LAMA4: variants seen among roughly 807,000 people sequenced by gnomAD.
LAMA4 encodes laminin subunit alpha-4.
Under a neutral mutation model 207.1 loss-of-function variants are expected in LAMA4, and 127 were observed. The ratio of observed to expected loss-of-function variants is 0.61; its 90% confidence interval spans 0.53 to 0.71. LAMA4 has a LOEUF of 0.71. Among genes scored for constraint, LAMA4 ranks in the 30% least tolerant of loss-of-function variants. The pLI is 0.00. For missense variants in LAMA4, 2,093 were observed against 2,246.5 expected (o/e 0.93, Z 1.38); for synonymous variants, 761 against 816.0 (o/e 0.93, Z 1.15).
chr6:112,127,094 T>A (rs1778739415), intron 31 of LAMA4, among the ~76,000 whole-genome samples: 1 of 152,156 alleles, frequency 6.6e-6, no homozygotes, highest in African/African-American at 2.4e-5. Context: ...TACAACCCTA[T>A]GATGCAGATA....
chr6:112,223,816 A>G (rs1785051432), intron 2 of LAMA4, among the ~76,000 whole-genome samples: 1 of 152,236 alleles, frequency 6.6e-6, no homozygotes. Flanking sequence ...AAGAAATGCT[A>G]TTGTGAATTA....
chr6:112,171,293 C>T (rs180899724), intron 12 of LAMA4, among the ~76,000 whole-genome samples: 6 of 151,684 alleles, frequency 4.0e-5, no homozygotes, highest in East Asian at 1.9e-4. Context: ...CAAGTTGCAG[C>T]GTCAAAAGCA....
rs782710021 is a variant in LAMA4 at position 112,158,864 on chromosome 6, T to A, written c.1685A>T (p.Tyr562Phe). 1.9e-6 allele frequency: 3 copies of A among 1,611,138 alleles called. No individual in the cohort carries two copies. The highest frequency in any genetic ancestry group is 1.1e-5 in the South Asian group (1 of 91,020). The change falls in exon 14 of 39, where the codon TAT becomes TTT. Residue 562 changes from tyrosine (Y) to phenylalanine (F), a missense_variant. Physicochemically the swap from Tyr to Phe is conservative, Grantham distance 22 (BLOSUM62 3). Coordinates refer to ENST00000230538, the MANE Select transcript of LAMA4 (RefSeq NM_001105206.3). Reference protein sequence around the residue: ...DDIIKNASGIYAEIDGAKSEL... With the variant: ...DDIIKNASGIFAEIDGAKSEL... ...ACTTTTGGCTCCATCTATTTCTGCATAAATCCCTGACGCATTCTAAAGAAA... is the reference window on the plus strand; with the variant it reads ...ACTTTTGGCTCCATCTATTTCTGCAAAAATCCCTGACGCATTCTAAAGAAA...
intron 21 of LAMA4, 23 bp from the exon 22 acceptor site, chr6:112,140,945 CTTG>C: frequency 6.3e-7 from 1 of 1,589,028 alleles, no homozygotes; most frequent in Non-Finnish European, 8.6e-7. Context: ...ATAATTTTCA[CTTG>C]TTATTATATA....
chr6:112,237,614 T>C (rs1312430538), intron 2 of LAMA4, among the ~76,000 whole-genome samples: 1 of 152,222 alleles, frequency 6.6e-6, no homozygotes, highest in Non-Finnish European at 1.5e-5. Flanking sequence ...TGAGAGCCAC[T>C]GATTTAGTAG....
chr6:112,208,991 T>G (rs1202115500), intron 3 of LAMA4, among the ~76,000 whole-genome samples: 1 of 152,186 alleles, frequency 6.6e-6, no homozygotes, highest in African/African-American at 2.4e-5. Flanking sequence ...TTTGGAAATA[T>G]TTATTGGGGA....
chr6:112,183,878 G>A (rs1431157654), intron 9 of LAMA4, among the ~76,000 whole-genome samples: 5 of 149,082 alleles, frequency 3.4e-5, no homozygotes, highest in Non-Finnish European at 5.9e-5. Context: ...TGGAACCCGG[G>A]AGGCGGAGGC....
intron 14 of LAMA4, 36 bp from the exon 15 acceptor site, chr6:112,155,742 A>G: frequency 6.2e-7 from 1 of 1,610,358 alleles, no homozygotes; most frequent in Non-Finnish European, 8.5e-7. Flanking sequence ...TCTCCTTCTT[A>G]CCTTCTTGGG....
chr6:112,222,287 A>G (rs1784967342), intron 2 of LAMA4, among the ~76,000 whole-genome samples: 1 of 152,220 alleles, frequency 6.6e-6, no homozygotes, highest in South Asian at 2.1e-4. Context: ...TAACTCAATT[A>G]GGAAAGTGGT....
chr6:112,120,719 A>G (rs1778303740), intron 32 of LAMA4, among the ~76,000 whole-genome samples: 1 of 152,200 alleles, frequency 6.6e-6, no homozygotes, highest in African/African-American at 2.4e-5. Flanking sequence ...ATGTTGTTTC[A>G]GTTAAGGATC....
In LAMA4 at chr6:112,141,248, C is replaced by T. The variant is rs188213117; in HGVS notation, c.2813+110G>A. ...AAAGGGAGGAAAATGCTATTTATAA[C>T]ATCCACAGGAAGACTGTGTATGTGT... On this transcript the variant is annotated intron_variant, in intron 21 of 38. Transcript: ENST00000230538. The T allele has an allele frequency of 1.3e-3, 1,410 of 1,066,480 alleles. 2 individuals carry two copies. The highest frequency in any genetic ancestry group is 1.9e-3 in the Non-Finnish European group (1,284 of 681,990). The allele number at this position is 1,066,480 out of a possible 1,614,324, so 66.1% of individuals were successfully genotyped here. A position where few individuals can be genotyped will look rare whatever the true frequency, so the allele number is the denominator to read the frequency against.
At chr6:112,179,874 C>T in intron 9 of LAMA4, 1 of 530,652 alleles carries the variant, frequency 1.9e-6, no homozygotes, top group Admixed American at 2.0e-5. Context: ...ACTGTGGGCT[C>T]TCTGAATGGA....
intron 38 of LAMA4, among the ~76,000 whole-genome samples, chr6:112,112,928 T>C (rs184456421): frequency 6.6e-6 from 1 of 152,192 alleles, no homozygotes; most frequent in Admixed American, 6.5e-5. Flanking sequence ...AAGACAAATA[T>C]CATGTGTCCT....
intron 36 of LAMA4, among the ~76,000 whole-genome samples, chr6:112,115,028 T>A (rs587642726): frequency 6.6e-6 from 1 of 152,244 alleles, no homozygotes; most frequent in South Asian, 2.1e-4. Context: ...TTCTAAAGAT[T>A]GAGTGTGTTA....
In LAMA4 at chr6:112,184,723, T is replaced by C. The variant is rs574776181; in HGVS notation, c.1077+514A>G. Among the ~76,000 whole-genome samples the C allele has an allele frequency of 3.9e-5, 6 of 152,324 alleles. No homozygotes were observed. The East Asian group carries it at 1.2e-3, about 29-fold the overall frequency. ...TGTGGATTTGAGATTTATACTCAAC[T>C]CTTTAAACGGGCTAATTTATTTTAG... On this transcript the variant is annotated intron_variant, in intron 9 of 38. Coordinates refer to ENST00000230538, the MANE Select transcript of LAMA4 (RefSeq NM_001105206.3).
chr6:112,254,317 G>C, intron 1 of LAMA4, 26 bp from the exon 2 acceptor site: 2 of 744,440 alleles, frequency 2.7e-6, no homozygotes, highest in Admixed American at 2.2e-5. Flanking sequence ...GAAAGTGCGA[G>C]AGTAAGGGAG....
chr6:112,199,040 A>G (rs964229191), intron 5 of LAMA4, among the ~76,000 whole-genome samples: 7 of 152,114 alleles, frequency 4.6e-5, no homozygotes, highest in Admixed American at 2.0e-4. Context: ...TCAACACTCT[A>G]CTTTCACTTT....
At chr6:112,241,162 A>AATATATATATTTATATATATATTC (rs1459995943) in intron 2 of LAMA4, among the ~76,000 whole-genome samples, 2 of 55,550 alleles carry the variant, frequency 3.6e-5, no homozygotes, top group Non-Finnish European at 8.4e-5. Flanking sequence ...TATATATATG[A>AATATATATATTTATATATATATTC]ATATATATGA....
At chr6:112,124,426 T>C (rs1778557020) in intron 31 of LAMA4, among the ~76,000 whole-genome samples, 2 of 152,246 alleles carry the variant, frequency 1.3e-5, no homozygotes, top group African/African-American at 4.8e-5. Flanking sequence ...TCTTTATATA[T>C]GGCAACCAAA....
Sources: gnomAD v4.1 joint callset for allele counts (sites outside exome capture counted in the v4.1 genomes callset) on GRCh38, gnomAD v4.1.1 for gene constraint, MANE v1.5 for transcripts, NCBI Gene and HGNC (gene_info 2026-07-23, HGNC 2026-07-21) for gene names.